Variants in KLHL38 observed in about 807,000 individuals in gnomAD.
KLHL38 encodes the protein kelch like family member 38, also known as kelch-like protein 38.
In KLHL38, 38 loss-of-function variants were observed where a neutral mutation model predicts 39.6. The observed-to-expected ratio is 0.96, with a 90% confidence interval of 0.74 to 1.26. The LOEUF is 1.26. Ranked by LOEUF, KLHL38 falls within the 50% of genes most tolerant of loss-of-function variation. The probability of loss-of-function intolerance (pLI) is 0.00; values close to 1 mark genes in which losing one functional copy is unlikely to be tolerated. For missense variants in KLHL38, 803 were observed against 748.1 expected (o/e 1.07, Z -0.86); for synonymous variants, 322 against 302.2 (o/e 1.07, Z -0.68).
At chr8:123,648,044 G>A (rs1167109341) in intron 2 of KLHL38, among the ~76,000 whole-genome samples, 1 of 152,166 alleles carries the variant, frequency 6.6e-6, no homozygotes, top group Non-Finnish European at 1.5e-5. Flanking sequence ...TCACACCACT[G>A]CACTCTAGCC....
At chr8:123,648,317 T>C (rs1412294414) in intron 2 of KLHL38, among the ~76,000 whole-genome samples, 2 of 152,170 alleles carry the variant, frequency 1.3e-5, no homozygotes, top group Non-Finnish European at 2.9e-5. Context: ...ACCACACTCA[T>C]GGCTCTGTCT....
In KLHL38 at chr8:123,645,008, T is replaced by G; in HGVS notation, c.*731A>C. On this transcript the variant is annotated 3_prime_UTR_variant, in exon 4 of 4. Coordinates refer to ENST00000684634, the MANE Select transcript of KLHL38 (RefSeq NM_001081675.3). ...CTAGAGAGAGAGGAAAACCTAGGGA[T>G]GAGAGAGAGGAAGACAGAGGGGAGA... 3.0e-5 allele frequency among the ~76,000 whole-genome samples: 4 copies of G among 135,118 alleles called. No homozygotes were observed. Among genetic ancestry groups the G allele is most frequent in the East Asian group, 4.2e-4 (2 of 4,718 alleles). 88.6% of individuals were successfully genotyped at this position (135,118 alleles called of 152,430 possible).
intron 2 of KLHL38, among the ~76,000 whole-genome samples, chr8:123,649,779 T>C (rs894258022): frequency 1.3e-5 from 2 of 152,182 alleles, no homozygotes; most frequent in African/African-American, 4.8e-5. Flanking sequence ...AGAAGGGGGC[T>C]GATGGAGATT....
rs200378303 is a variant in KLHL38 at position 123,652,532 on chromosome 8, G to T, written c.395C>A (p.Ala132Asp). ...ACSSYLQSQLAPSNCLGMIRL... is the reference protein window; with the variant it reads ...ACSSYLQSQLDPSNCLGMIRL... ...GATCATACCCAGGCAGTTGCTGGGG[G>T]CCAACTGGCTCTGCAAGTACGAGGA... is the stretch of plus-strand genomic sequence containing the variant. Residue 132 changes from alanine (A) to aspartate (D), a missense_variant, in exon 2 of 4, where the codon GCC (alanine) becomes GAC (aspartate). Physicochemically the swap from Ala to Asp is moderately radical, Grantham distance 126. Coordinates refer to ENST00000684634, the MANE Select transcript of KLHL38 (RefSeq NM_001081675.3). 1.9e-6 allele frequency: 3 copies of T among 1,614,198 alleles called. No homozygotes were observed. Among genetic ancestry groups the T allele is most frequent in the Non-Finnish European group, 1.7e-6 (2 of 1,180,026 alleles).
intron 2 of KLHL38, among the ~76,000 whole-genome samples, chr8:123,649,017 C>T (rs1812585059): frequency 6.6e-6 from 1 of 152,208 alleles, no homozygotes; most frequent in Admixed American, 6.5e-5. Flanking sequence ...TCTCTGTCTT[C>T]TTAATCCTGA....
intron 2 of KLHL38, among the ~76,000 whole-genome samples, chr8:123,649,898 G>A (rs759828018): frequency 5.3e-5 from 8 of 152,132 alleles, no homozygotes; most frequent in Non-Finnish European, 8.8e-5. Flanking sequence ...AGGGCCATGG[G>A]CTGCACCTGT....
Position 123,645,743 on chromosome 8 carries a change from GGGA to G in KLHL38, c.1739_1741del (p.Leu580del), listed in dbSNP as rs746137277. On this transcript the variant is annotated inframe_deletion, in exon 4 of 4. Coordinates refer to ENST00000684634, the MANE Select transcript of KLHL38 (RefSeq NM_001081675.3). The stretch of plus-strand genomic sequence containing the variant: ...GCAGAAGGTTTCTTGTCGACCTCAT[GGGA>G]GGCCAGACGTGCGGGGTATGCACTG... 51 of 1,612,832 alleles carry G rather than the reference GGGA, an allele frequency of 3.2e-5. No individual in the cohort carries two copies. Among genetic ancestry groups the G allele is most frequent in the Non-Finnish European group, 4.2e-5 (49 of 1,179,086 alleles).
At position 123,645,796 on chromosome 8, in the gene KLHL38, G is replaced by A. The variant is rs1330543719; in HGVS notation, c.1689C>T (p.Leu563=). The A allele has an allele frequency of 5.0e-6, 8 of 1,614,008 alleles. No individual in the cohort carries two copies. The highest frequency in any genetic ancestry group is 6.8e-6 in the Non-Finnish European group (8 of 1,180,010). The change falls in exon 4 of 4, where the codon CTC becomes CTT. Residue 563 remains leucine, a synonymous_variant. Transcript: ENST00000684634. ...GGAGAGTGAGGCAGGCATGGTCAAA[G>A]AGCTTGTGCGGCAGCTGTCCCTGGG... ...WTSQGQLPHK[L]FDHACLTLQC...
rs147114029 is a variant in KLHL38, at chr8:123,652,164, C to A, written c.763G>T (p.Ala255Ser). 1.2e-6 allele frequency: 2 copies of A among 1,614,164 alleles called. No homozygotes were observed. Among genetic ancestry groups the A allele is most frequent in the South Asian group, 1.1e-5 (1 of 91,080 alleles). The change falls in exon 2 of 4, where the codon GCC becomes TCC. Residue 255 changes from alanine to serine, a missense_variant. Transcript: ENST00000684634. ...CACAAAGAGAACATCTGTCTCTTGG[C>A]GGTCTCCAAGATGATCTGGCATGCA... The part of the protein sequence containing the change: ...SPACQIILET[A>S]KRQMFSLCGT...
At position 123,651,885 on chromosome 8, in the gene KLHL38, G is replaced by A. The variant is rs1207699191; in HGVS notation, c.1042C>T (p.Leu348=). The change falls in exon 2 of 4, where the codon CTG becomes TTG. Residue 348 remains leucine (L), a synonymous_variant. Coordinates refer to ENST00000684634, the MANE Select transcript of KLHL38 (RefSeq NM_001081675.3). ...AAGATGTAGACATTGTGACTGACCA[G>A]ACTCCTCCCTGAGCTGACAGCCATG... ...GGMAVSSGRS[L]VSHNVYIFSL... is the part of the protein sequence containing the mutation. The A allele has an allele frequency of 6.2e-7, 1 of 1,614,170 alleles. No homozygotes were observed. The highest frequency in any genetic ancestry group is 1.1e-5 in the South Asian group (1 of 91,080).
intron 1 of KLHL38, among the ~76,000 whole-genome samples, 149 bp downstream of exon 1, chr8:123,653,437 G>T (rs1226270216): frequency 6.6e-6 from 1 of 152,144 alleles, no homozygotes; most frequent in Non-Finnish European, 1.5e-5. Context: ...GGAAGAAAAT[G>T]GACCTTTGAT....
Position 123,652,301 on chromosome 8 carries a change from T to C in KLHL38, c.626A>G (p.Gln209Arg), listed in dbSNP as rs371876092. 39 of 1,613,882 alleles carry C rather than the reference T, an allele frequency of 2.4e-5. No individual in the cohort carries two copies. The highest frequency in any genetic ancestry group is 3.1e-5 in the Non-Finnish European group (37 of 1,180,040). The change falls in exon 2 of 4, where the codon CAG (glutamine) becomes CGG (arginine). Residue 209 changes from glutamine (Q) to arginine (R), a missense_variant. Gln to Arg is a conservative substitution (Grantham distance 43). Transcript: ENST00000684634. Reference sequence around the variant, plus strand: ...TTCCTGCATGTATCGCTTCCGGGCCTGGAGGTCATGCTTGATCCAAACCAT... The same window carrying C: ...TTCCTGCATGTATCGCTTCCGGGCCCGGAGGTCATGCTTGATCCAAACCAT... ...ALMVWIKHDL[Q>R]ARKRYMQELF...
chr8:123,647,284 T>A (rs77162332), intron 2 of KLHL38, among the ~76,000 whole-genome samples: 6,153 of 152,272 alleles, frequency 0.04, 176 homozygotes, highest in Non-Finnish European at 0.062. Flanking sequence ...TAATATGGGT[T>A]TTACTTACCT....
chr8:123,646,279 G>A (rs1818664753), intron 3 of KLHL38, among the ~76,000 whole-genome samples: 1 of 152,166 alleles, frequency 6.6e-6, no homozygotes, highest in Non-Finnish European at 1.5e-5. Flanking sequence ...GATTGGGAGC[G>A]GCCTCCTGAT....
rs1193245914 is a variant in KLHL38 at position 123,645,109 on chromosome 8, C to G, written c.*630G>C. 6.8e-6 allele frequency among the ~76,000 whole-genome samples: 1 copy of G among 147,694 alleles called. No individual in the cohort carries two copies. The highest frequency in any genetic ancestry group is 1.5e-5 in the Non-Finnish European group (1 of 66,772). On this transcript the variant is annotated 3_prime_UTR_variant, in exon 4 of 4. Transcript: ENST00000684634. Reference sequence around the variant, plus strand: ...AGAGAGAGAAGCAGAGAGGGGGAGACAGACAGAGAGAGAGAAGAGAGACAG... The same window carrying G: ...AGAGAGAGAAGCAGAGAGGGGGAGAGAGACAGAGAGAGAGAAGAGAGACAG...
chr8:123,649,192 T>G (rs1249219439), intron 2 of KLHL38, among the ~76,000 whole-genome samples: 1 of 152,174 alleles, frequency 6.6e-6, no homozygotes, highest in Non-Finnish European at 1.5e-5. Context: ...ACGTATTTGT[T>G]GACTGTTTTG....
intron 2 of KLHL38, among the ~76,000 whole-genome samples, chr8:123,651,266 G>C (rs1409493705): frequency 2.0e-5 from 3 of 152,186 alleles, no homozygotes; most frequent in Non-Finnish European, 2.9e-5. Flanking sequence ...TGCATGTGTA[G>C]ATATATGTAA....
rs764060753 is a variant in KLHL38 at position 123,652,227 on chromosome 8, G to C, written c.700C>G (p.His234Asp). 1 of 1,614,178 alleles carries C rather than the reference G, an allele frequency of 6.2e-7. No individual in the cohort carries two copies. The highest frequency in any genetic ancestry group is 8.5e-7 in the Non-Finnish European group (1 of 1,180,032). Residue 234 changes from histidine to aspartate, a missense_variant, in exon 2 of 4, where the codon CAC becomes GAC. His to Asp is a moderately conservative substitution (Grantham distance 81). Transcript: ENST00000684634. Reference protein sequence around the residue: ...LQYIHPAFFHHFIANDALLQS... With the variant: ...LQYIHPAFFHDFIANDALLQS... ...AGGAGGGCATCGTTGGCGATGAAGT[G>C]GTGAAAGAAGGCTGGGTGGATGTAC...
chr8:123,646,656 A>G (rs893600093), intron 3 of KLHL38, among the ~76,000 whole-genome samples: 4 of 152,236 alleles, frequency 2.6e-5, no homozygotes, highest in African/African-American at 9.6e-5. Context: ...TAAGTGCTTT[A>G]GATACACGAG....
Sources: gnomAD v4.1 joint callset for allele counts (sites outside exome capture counted in the v4.1 genomes callset) on GRCh38, gnomAD v4.1.1 for gene constraint, MANE v1.5 for transcripts, NCBI Gene and HGNC (gene_info 2026-07-23, HGNC 2026-07-21) for gene names.